Variants in CAMTA1 observed in about 807,000 individuals in gnomAD.
CAMTA1 encodes calmodulin-binding transcription activator 1.
A neutral mutation model predicts 170.9 loss-of-function variants in CAMTA1; 27 were observed. That is an observed-to-expected ratio of 0.16 (90% CI 0.12 to 0.22). The LOEUF (loss-of-function observed/expected upper bound fraction) is 0.22, where lower values mean the gene tolerates loss of function less well. Ranked by LOEUF, CAMTA1 falls within the 10% of genes least tolerant of loss-of-function variation. The pLI is 1.00. For synonymous variants in CAMTA1, 833 were observed against 891.5 expected (o/e 0.93, Z 1.17); for missense variants, 1,619 against 2,217.2 (o/e 0.73, Z 5.42).
intron 6 of CAMTA1, among the ~76,000 whole-genome samples, chr1:7,514,392 G>A (rs1192487508): frequency 6.6e-6 from 1 of 152,208 alleles, no homozygotes; most frequent in Non-Finnish European, 1.5e-5. Context: ...AAGGGCATGA[G>A]TGGGGAAGGG....
chr1:7,659,464 G>A (rs1457539907), intron 7 of CAMTA1, among the ~76,000 whole-genome samples: 7 of 152,194 alleles, frequency 4.6e-5, no homozygotes, highest in African/African-American at 1.7e-4. Flanking sequence ...AACTCAGGAG[G>A]CAGAGGTTGC....
In CAMTA1 at chr1:7,661,766, C is replaced by T. The variant is rs1265742247; in HGVS notation, c.705C>T (p.Ser235=). 1.2e-6 allele frequency: 2 copies of T among 1,613,914 alleles called. No homozygotes were observed. The highest frequency in any genetic ancestry group is 2.2e-5 in the East Asian group (1 of 44,882). ...GGACCTGCAGCAATGGGAACAGCAG[C>T]TCAGGCTTCTCGGTGGAACAGCTGG... ...IKWTCSNGNS[S]SGFSVEQLVQ... is the part of the protein sequence containing the mutation. Residue 235 remains serine, a synonymous_variant, in exon 8 of 23, where the codon AGC becomes AGT. Coordinates refer to ENST00000303635, the MANE Select transcript of CAMTA1 (RefSeq NM_015215.4).
chr1:6,928,463 G>A (rs1038842737), intron 3 of CAMTA1, among the ~76,000 whole-genome samples: 2 of 152,122 alleles, frequency 1.3e-5, no homozygotes, highest in African/African-American at 2.4e-5. Context: ...AGGTGTCTTA[G>A]GATAGGTGCT....
intron 4 of CAMTA1, among the ~76,000 whole-genome samples, chr1:7,105,807 G>A (rs984063236): frequency 6.6e-6 from 1 of 152,078 alleles, no homozygotes; most frequent in Admixed American, 6.5e-5. Context: ...GCTGGGCATG[G>A]TGGTGCACCT....
At chr1:7,422,276 G>A (rs939451979) in intron 5 of CAMTA1, among the ~76,000 whole-genome samples, 2 of 152,104 alleles carry the variant, frequency 1.3e-5, no homozygotes, top group African/African-American at 4.8e-5. Context: ...GAGACAGTGA[G>A]TGATGCAAGA....
intron 5 of CAMTA1, among the ~76,000 whole-genome samples, chr1:7,398,292 T>C (rs2089601953): frequency 6.9e-6 from 1 of 145,284 alleles, no homozygotes; most frequent in Non-Finnish European, 1.5e-5. Context: ...TTTATAAACA[T>C]TATATCCTGT....
intron 3 of CAMTA1, among the ~76,000 whole-genome samples, chr1:7,032,908 A>T (rs1353895031): frequency 6.6e-6 from 1 of 152,146 alleles, no homozygotes; most frequent in Non-Finnish European, 1.5e-5. Context: ...ATAATTTCTG[A>T]TGAGAAGTCT....
intron 5 of CAMTA1, among the ~76,000 whole-genome samples, chr1:7,446,284 C>A (rs2092679303): frequency 6.6e-6 from 1 of 151,700 alleles, no homozygotes; most frequent in African/African-American, 2.4e-5. Context: ...ATTATTAAGT[C>A]AGGTTTGAAA....
intron 5 of CAMTA1, among the ~76,000 whole-genome samples, chr1:7,423,371 G>A (rs1343629143): frequency 6.6e-6 from 1 of 151,646 alleles, no homozygotes; most frequent in Non-Finnish European, 1.5e-5. Flanking sequence ...TTGGGAGGCT[G>A]AGGCAGGAGA....
At chr1:7,755,394 A>G (rs2096925015) in intron 21 of CAMTA1, among the ~76,000 whole-genome samples, 2 of 150,912 alleles carry the variant, frequency 1.3e-5, no homozygotes, top group South Asian at 4.2e-4. Context: ...GTAGGTAGAT[A>G]GTAGCTTCAG....
At position 6,820,310 on chromosome 1, in the gene CAMTA1, TATC is replaced by T; in HGVS notation, c.115+64_115+66del. ...GGGTGGGCTTGGCAGTGGCAGTAAT[TATC>T]ATCTAGTACAGTGGAAACAGCCTTC... On this transcript the variant is annotated intron_variant, in intron 2 of 22. Transcript: ENST00000303635. 4 of 1,568,876 alleles carry T rather than the reference TATC, an allele frequency of 2.5e-6. No homozygotes were observed. In the South Asian group the frequency reaches 3.3e-5, roughly 13 times the overall value.
chr1:7,697,950 C>A (rs2096394211), intron 11 of CAMTA1, among the ~76,000 whole-genome samples: 1 of 152,056 alleles, frequency 6.6e-6, no homozygotes, highest in Non-Finnish European at 1.5e-5. Flanking sequence ...TCTCTTGATG[C>A]CGTGGGTTGG....
intron 6 of CAMTA1, among the ~76,000 whole-genome samples, chr1:7,623,239 A>G (rs1055936499): frequency 2.6e-5 from 4 of 152,192 alleles, no homozygotes; most frequent in African/African-American, 9.7e-5. Flanking sequence ...AGTCCCTGGT[A>G]TCTTGTGGTT....
chr1:7,290,210 A>G (rs1672924178), intron 5 of CAMTA1, among the ~76,000 whole-genome samples: 1 of 152,248 alleles, frequency 6.6e-6, no homozygotes, highest in Non-Finnish European at 1.5e-5. Context: ...ATGGCCTGGC[A>G]GAGGGAAGGG....
chr1:7,650,684 C>A (rs1210372650), intron 7 of CAMTA1, among the ~76,000 whole-genome samples: 1 of 148,550 alleles, frequency 6.7e-6, no homozygotes, highest in East Asian at 1.9e-4. Context: ...TGGGCGCACA[C>A]TCCATCCCGT....
intron 4 of CAMTA1, among the ~76,000 whole-genome samples, chr1:7,210,671 A>G (rs761248298): frequency 6.6e-6 from 1 of 152,212 alleles, no homozygotes; most frequent in Non-Finnish European, 1.5e-5. Flanking sequence ...TGCATGCCAG[A>G]TGGTGATTTT....
At chr1:7,121,347 T>G (rs1644629746) in intron 4 of CAMTA1, among the ~76,000 whole-genome samples, 1 of 152,194 alleles carries the variant, frequency 6.6e-6, no homozygotes, top group African/African-American at 2.4e-5. Flanking sequence ...AAAAAATAAG[T>G]TACAATTTCC....
chr1:6,861,869 C>G (rs1320615908), intron 3 of CAMTA1, among the ~76,000 whole-genome samples: 1 of 152,160 alleles, frequency 6.6e-6, no homozygotes, highest in African/African-American at 2.4e-5. Context: ...CCCATTCTCC[C>G]TACCCCTCGC....
At chr1:7,127,395 C>G (rs565100292) in intron 4 of CAMTA1, among the ~76,000 whole-genome samples, 22 of 151,856 alleles carry the variant, frequency 1.4e-4, no homozygotes, top group Non-Finnish European at 2.8e-4. Context: ...ACCATGTTGT[C>G]TCAAAGTTTC....
Sources: allele counts gnomAD v4.1 joint callset (sites outside exome capture counted in the v4.1 genomes callset), GRCh38; gene constraint gnomAD v4.1.1; transcripts MANE v1.5; gene names NCBI Gene and HGNC (gene_info 2026-07-23, HGNC 2026-07-21).